TRIM42: variants seen among roughly 807,000 people sequenced by gnomAD.
TRIM42 encodes tripartite motif containing 42, also known as tripartite motif-containing protein 42.
TRIM42 carries 59 observed loss-of-function variants against 64.9 expected under a neutral mutation model. That is an observed-to-expected ratio of 0.91 (90% CI 0.74 to 1.13). The LOEUF is 1.13. Ranked by LOEUF, TRIM42 falls within the 50% of genes most tolerant of loss-of-function variation. TRIM42 has a pLI of 0.00. For missense variants in TRIM42, 878 were observed against 929.5 expected (o/e 0.94, Z 0.72); for synonymous variants, 354 against 346.3 (o/e 1.02, Z -0.25).
At chr3:140,698,152 G>A (rs533866578) in intron 4 of TRIM42, among the ~76,000 whole-genome samples, 6 of 152,228 alleles carry the variant, frequency 3.9e-5, no homozygotes, top group South Asian at 2.1e-4. Context: ...CGGTAAGTAT[G>A]CCCATTATCC....
intron 1 of TRIM42, among the ~76,000 whole-genome samples, chr3:140,681,670 A>T (rs1258191556): frequency 6.6e-6 from 1 of 152,048 alleles, no homozygotes; most frequent in Non-Finnish European, 1.5e-5. Context: ...CTGAGAACAC[A>T]CCTGTAGTTG....
At chr3:140,700,720 G>A (rs1003645030) in intron 4 of TRIM42, among the ~76,000 whole-genome samples, 168 bp from the exon 5 acceptor site, 2 of 152,184 alleles carry the variant, frequency 1.3e-5, no homozygotes, top group Admixed American at 1.3e-4. Flanking sequence ...AAACCTTCCT[G>A]GTCCTTCTGA....
At chr3:140,685,142 G>A (rs927547521) in intron 2 of TRIM42, among the ~76,000 whole-genome samples, 4 of 152,312 alleles carry the variant, frequency 2.6e-5, no homozygotes, top group African/African-American at 4.8e-5. Flanking sequence ...AAACTTGTTC[G>A]TGAGCATTTG....
chr3:140,699,820 C>T (rs1351977900), intron 4 of TRIM42, among the ~76,000 whole-genome samples: 3 of 152,156 alleles, frequency 2.0e-5, no homozygotes, highest in African/African-American at 7.2e-5. Flanking sequence ...ATGACCTTTG[C>T]CTTGCATGCA....
chr3:140,689,167 C>G (rs1169923378), intron 3 of TRIM42, among the ~76,000 whole-genome samples: 1 of 152,206 alleles, frequency 6.6e-6, no homozygotes, highest in East Asian at 1.9e-4. Context: ...CCCTCTTGAC[C>G]TAACATGGAC....
At chr3:140,691,941 G>A (rs1258970597) in intron 4 of TRIM42, among the ~76,000 whole-genome samples, 2 of 151,090 alleles carry the variant, frequency 1.3e-5, no homozygotes, top group East Asian at 1.9e-4. Context: ...AATCAGGGTC[G>A]ATTACATCTT....
intron 3 of TRIM42, among the ~76,000 whole-genome samples, chr3:140,690,575 A>G (rs1225768589): frequency 3.6e-5 from 2 of 55,896 alleles, no homozygotes; most frequent in Admixed American, 1.8e-4. Context: ...ATATATATAT[A>G]TATATATATA....
At chr3:140,698,967 T>C (rs149589734) in intron 4 of TRIM42, among the ~76,000 whole-genome samples, 77 of 152,318 alleles carry the variant, frequency 5.1e-4, no homozygotes, top group African/African-American at 1.6e-3. Flanking sequence ...TTAACGTTTC[T>C]CCATTGAGTT....
rs1988276311 is a variant in TRIM42 at position 140,678,730 on chromosome 3, A to T, written c.341+160A>T. On this transcript the variant is annotated intron_variant, in intron 1 of 4. Transcript: ENST00000286349. Reference sequence around the variant, plus strand: ...TTTGTAGCAATTAATTGTATCCTAAATGGTCACTATGTATGTAGACCATGA... The same window carrying T: ...TTTGTAGCAATTAATTGTATCCTAATTGGTCACTATGTATGTAGACCATGA... Among the ~76,000 whole-genome samples the T allele has an allele frequency of 2.0e-5, 3 of 152,218 alleles. No homozygotes were observed. In the South Asian group the frequency reaches 6.2e-4, roughly 32 times the overall value.
At chr3:140,693,222 TTAAG>T (rs1988767042) in intron 4 of TRIM42, among the ~76,000 whole-genome samples, 1 of 152,246 alleles carries the variant, frequency 6.6e-6, no homozygotes, top group Non-Finnish European at 1.5e-5. Context: ...CTGAAAGCTG[TTAAG>T]TGTTTTATAC....
In TRIM42 at chr3:140,683,158, A is replaced by C. The variant is rs1174223022; in HGVS notation, c.1038A>C (p.Ala346=). The C allele has an allele frequency of 6.2e-7, 1 of 1,613,770 alleles. No individual in the cohort carries two copies. The highest frequency in any genetic ancestry group is 8.5e-7 in the Non-Finnish European group (1 of 1,179,664). The part of the protein sequence containing the change: ...SLFSAIAKFK[A]VRYEIDNDLM... Reference sequence around the variant, plus strand: ...TCAGCGCCATCGCCAAGTTCAAAGCAGGTCCTCCCCTTTTCCACTCCTTCA... The same window carrying C: ...TCAGCGCCATCGCCAAGTTCAAAGCCGGTCCTCCCCTTTTCCACTCCTTCA... The change falls in exon 2 of 5, where the codon GCA becomes GCC. Residue 346 remains alanine (A), a splice_region_variant and synonymous_variant. Coordinates refer to ENST00000286349, the MANE Select transcript of TRIM42 (RefSeq NM_152616.5).
chr3:140,695,324 G>T (rs571251207), intron 4 of TRIM42, among the ~76,000 whole-genome samples: 1 of 152,090 alleles, frequency 6.6e-6, no homozygotes, highest in Non-Finnish European at 1.5e-5. Context: ...ATATTCAAAG[G>T]TTCTGGGATT....
rs534283862 is a variant in TRIM42 at position 140,682,584 on chromosome 3, A to G, written c.464A>G (p.His155Arg). The change falls in exon 2 of 5, where the codon CAC becomes CGC. Residue 155 changes from histidine to arginine, a missense_variant. Transcript: ENST00000286349. ...CCCATGTGCAGCCGGCTGCGCCTGCACTCATTCATGCTGCCCTGCAACCAC... is the reference window on the plus strand; with the variant it reads ...CCCATGTGCAGCCGGCTGCGCCTGCGCTCATTCATGCTGCCCTGCAACCAC... The part of the protein sequence containing the change: ...NCPMCSRLRL[H>R]SFMLPCNHSL... 5.6e-6 allele frequency: 9 copies of G among 1,614,086 alleles called. No individual in the cohort carries two copies. Among genetic ancestry groups the G allele is most frequent in the African/African-American group, 1.3e-5 (1 of 75,014 alleles).
intron 3 of TRIM42, 131 bp from the exon 4 acceptor site, chr3:140,690,837 T>C: frequency 1.5e-6 from 1 of 675,792 alleles, no homozygotes; most frequent in Non-Finnish European, 2.6e-6. Flanking sequence ...TAATTAAAAG[T>C]CTTCGGTAGC....
chr3:140,687,680 G>A (rs753776964), intron 2 of TRIM42, 42 bp from the exon 3 acceptor site: 2 of 1,471,012 alleles, frequency 1.4e-6, no homozygotes, highest in Non-Finnish European at 1.8e-6. Context: ...GACACCTGGG[G>A]AGATGAAAAT....
intron 4 of TRIM42, among the ~76,000 whole-genome samples, chr3:140,698,968 C>A (rs1407487251): frequency 6.6e-6 from 1 of 151,996 alleles, no homozygotes; most frequent in Non-Finnish European, 1.5e-5. Context: ...TAACGTTTCT[C>A]CATTGAGTTA....
In TRIM42 at chr3:140,682,512, T is replaced by G; in HGVS notation, c.392T>G (p.Val131Gly). The G allele has an allele frequency of 1.9e-6, 3 of 1,614,060 alleles. No homozygotes were observed. The highest frequency in any genetic ancestry group is 2.5e-6 in the Non-Finnish European group (3 of 1,180,016). The change falls in exon 2 of 5, where the codon GTA (valine) becomes GGA (glycine). Residue 131 changes from valine to glycine, a missense_variant. By Grantham distance (109) the Val-to-Gly change is moderately radical. Transcript: ENST00000286349. The part of the protein sequence containing the change: ...TGSSDTQVDE[V>G]KSIPANSHLV... The stretch of plus-strand genomic sequence containing the variant: ...AGCAGCGATACCCAGGTGGATGAAG[T>G]AAAGTCAATACCAGCCAACAGTCAC...
chr3:140,699,091 A>G (rs1013463953), intron 4 of TRIM42, among the ~76,000 whole-genome samples: 1 of 152,182 alleles, frequency 6.6e-6, no homozygotes, highest in Non-Finnish European at 1.5e-5. Context: ...AGGTAATTAC[A>G]TGATTTTTCT....
In TRIM42 at chr3:140,688,214, A is replaced by C. The variant is rs530505522; in HGVS notation, c.1532A>C (p.His511Pro). The C allele has an allele frequency of 2.3e-5, 37 of 1,614,094 alleles. No homozygotes were observed. In the East Asian group the frequency reaches 8.2e-4, roughly 36 times the overall value. Residue 511 changes from histidine (H) to proline (P), a missense_variant, in exon 3 of 5, where the codon CAC becomes CCC. By Grantham distance (77) the His-to-Pro change is moderately conservative (BLOSUM62 -2). Transcript: ENST00000286349. ...TCCCTGCCCTCCCCCTACCCCGTGC[A>C]CTCAGAAACAATGATTGCCAGGAAG... The part of the protein sequence containing the change: ...GDSLPSPYPV[H>P]SETMIARKVT...
Sources: gnomAD v4.1 joint callset for allele counts (sites outside exome capture counted in the v4.1 genomes callset) on GRCh38, gnomAD v4.1.1 for gene constraint, MANE v1.5 for transcripts, NCBI Gene and HGNC (gene_info 2026-07-23, HGNC 2026-07-21) for gene names.